The following CPAMD8 variants were observed in gnomAD, a reference collection of about 807,000 sequenced individuals.
CPAMD8 encodes the protein C3 and PZP-like alpha-2-macroglobulin domain-containing protein 8.
A neutral mutation model predicts 224.7 loss-of-function variants in CPAMD8; 146 were observed. That is an observed-to-expected ratio of 0.65 (90% CI 0.57 to 0.75). CPAMD8 has a LOEUF of 0.75. Ranked by LOEUF, CPAMD8 falls within the 30% of genes least tolerant of loss-of-function variation. CPAMD8 has a pLI of 0.00. For synonymous variants in CPAMD8, 966 were observed against 1,044.6 expected (o/e 0.92, Z 1.45); for missense variants, 2,301 against 2,537.5 (o/e 0.91, Z 2.00).
intron 9 of CPAMD8, among the ~76,000 whole-genome samples, chr19:17,001,908 C>G (rs12971584): frequency 0.17 from 25,791 of 149,596 alleles, 2,304 homozygotes; most frequent in African/African-American, 0.23. Flanking sequence ...TAGCGGGTGG[C>G]CACATCCTGG....
rs1430550947 is a variant in CPAMD8, at chr19:16,924,375, C to T, written c.3547+821G>A. ...TACAGGCTGTTATTCACGAGGAGGG[C>T]TCATTCAACTCTGGGTGGTGTTTAA... On this transcript the variant is annotated intron_variant, in intron 26 of 41. Coordinates refer to ENST00000443236, the MANE Select transcript of CPAMD8 (RefSeq NM_015692.5). 2.6e-5 allele frequency among the ~76,000 whole-genome samples: 4 copies of T among 152,156 alleles called. No homozygotes were observed. The East Asian group carries it at 5.8e-4, about 22-fold the overall frequency.
intron 30 of CPAMD8, among the ~76,000 whole-genome samples, chr19:16,905,395 C>A (rs1349665643): frequency 6.6e-6 from 1 of 151,558 alleles, no homozygotes; most frequent in Non-Finnish European, 1.5e-5. Context: ...GCCTGACTAA[C>A]ATGGAGAAAC....
In CPAMD8 at chr19:16,903,606, C is replaced by T. The variant is rs200291166; in HGVS notation, c.4425G>A (p.Thr1475=). The change falls in exon 34 of 42, where the codon ACG becomes ACA. Residue 1475 remains threonine, a synonymous_variant. Transcript: ENST00000443236. ...LQTAAIPSLP[T]GLFVSAKGDG... ...CCCCCTTGGCACTCACAAACAGCCC[C>T]GTGGGGAGGCTGGGGATCTGGAGAC... is the stretch of plus-strand genomic sequence containing the variant. The T allele has an allele frequency of 4.0e-5, 65 of 1,614,064 alleles. No homozygotes were observed. The highest frequency in any genetic ancestry group is 1.1e-4 in the East Asian group (5 of 44,852).
chr19:16,899,527 C>A lies in CPAMD8; in HGVS notation c.4796G>T (p.Gly1599Val). The A allele has an allele frequency of 6.4e-7, 1 of 1,566,382 alleles. No individual in the cohort carries two copies. The highest frequency in any genetic ancestry group is 8.8e-7 in the Non-Finnish European group (1 of 1,136,758). The stretch of plus-strand genomic sequence containing the variant: ...TCCAGCCACTTCATACCTCTTCATC[C>A]CCATGTGCTTGTCAAGGAGCAGCTG... ...LEQLLLDKHMGMKRYEVAGRR... is the reference protein window; with the variant it reads ...LEQLLLDKHMVMKRYEVAGRR... The change falls in exon 37 of 42, where the codon GGG becomes GTG. Residue 1599 changes from glycine (G) to valine (V), a missense_variant. This residue lies in a region of CPAMD8 where 1,709 missense variants were observed against 1,753.2 expected (regional missense o/e 0.97). Transcript: ENST00000443236. The surrounding 1 kb of genome is among the most constrained non-coding windows in gnomAD (Gnocchi z 5.4).
rs376642270 is a variant in CPAMD8 at position 16,977,811 on chromosome 19, C to T, written c.1586-271G>A. Among the ~76,000 whole-genome samples, 5 of 152,258 alleles carry T rather than the reference C, an allele frequency of 3.3e-5. No homozygotes were observed. In the East Asian group the frequency reaches 7.7e-4, roughly 24 times the overall value. On this transcript the variant is annotated intron_variant, in intron 14 of 41. Transcript: ENST00000443236. ...ATCCTCTCTGCCGGGGAACATGGTC[C>T]CTGCTCCCTGACCAGCCCTCTGCTT...
intron 3 of CPAMD8, among the ~76,000 whole-genome samples, chr19:17,015,713 G>T (rs1276187999): frequency 1.3e-5 from 2 of 152,188 alleles, no homozygotes; most frequent in Non-Finnish European, 2.9e-5. Context: ...ACTGGCCAGA[G>T]GCTGAAGAGG....
chr19:16,925,121 G>T, intron 26 of CPAMD8, 75 bp downstream of exon 26: 1 of 1,506,950 alleles, frequency 6.6e-7, no homozygotes, highest in Non-Finnish European at 9.2e-7. Context: ...GCCACCTCCA[G>T]CGTGGTCTTC....
chr19:16,961,944 G>C (rs888315211), intron 18 of CPAMD8, among the ~76,000 whole-genome samples: 1 of 152,226 alleles, frequency 6.6e-6, no homozygotes, highest in Non-Finnish European at 1.5e-5. Flanking sequence ...CTGCAGCTGA[G>C]AGACCTGACG....
chr19:16,951,954 TGG>T lies in CPAMD8; in HGVS notation c.2508+13_2508+14del. 6.7e-7 allele frequency: 1 copy of T among 1,481,984 alleles called. No individual in the cohort carries two copies. The highest frequency in any genetic ancestry group is 9.2e-7 in the Non-Finnish European group (1 of 1,082,544). 91.8% of individuals were successfully genotyped at this position (1,481,984 alleles called of 1,614,324 possible). A position where few individuals can be genotyped will look rare whatever the true frequency, so the allele number is the denominator to read the frequency against. On this transcript the variant is annotated intron_variant, in intron 20 of 41. Coordinates refer to ENST00000443236, the MANE Select transcript of CPAMD8 (RefSeq NM_015692.5). ...ACTGAATGGAGGAAGGCTATGTATT[TGG>T]GGGGCTGAGTACCTCAGCGCAGGTG...
intron 25 of CPAMD8, among the ~76,000 whole-genome samples, 158 bp from the exon 26 acceptor site, chr19:16,925,530 G>A (rs1468634962): frequency 6.6e-6 from 1 of 152,160 alleles, no homozygotes; most frequent in Non-Finnish European, 1.5e-5. Context: ...ACCAGCTGGT[G>A]TCCTGGCTTT....
chr19:16,991,828 T>C (rs1271359402), intron 12 of CPAMD8, among the ~76,000 whole-genome samples: 3 of 150,272 alleles, frequency 2.0e-5, no homozygotes, highest in Non-Finnish European at 4.4e-5. Flanking sequence ...GCACTCCAGC[T>C]TGGGCGACAG....
chr19:16,979,581 T>C (rs2055431164), intron 14 of CPAMD8, among the ~76,000 whole-genome samples: 1 of 151,326 alleles, frequency 6.6e-6, no homozygotes, highest in African/African-American at 2.4e-5. Flanking sequence ...CATCCATCCT[T>C]CCATCTATCC....
Position 16,922,368 on chromosome 19 carries a change from G to A in CPAMD8, c.3548-382C>T, listed in dbSNP as rs371288848. On this transcript the variant is annotated intron_variant, in intron 26 of 41. Coordinates refer to ENST00000443236, the MANE Select transcript of CPAMD8 (RefSeq NM_015692.5). The stretch of plus-strand genomic sequence containing the variant: ...TACTACATCTGGAGTCCCTGGAACC[G>A]CAGCGCACCACATCTGGGGTCCCTG... 1.3e-3 allele frequency among the ~76,000 whole-genome samples: 187 copies of A among 149,352 alleles called. 3 individuals carry two copies. Among genetic ancestry groups the A allele is most frequent in the African/African-American group, 3.9e-3 (158 of 40,376 alleles).
intron 17 of CPAMD8, among the ~76,000 whole-genome samples, chr19:16,972,372 A>G (rs1263554684): frequency 6.6e-6 from 1 of 151,966 alleles, no homozygotes; most frequent in Non-Finnish European, 1.5e-5. Flanking sequence ...TGTACTAATT[A>G]CTGGGAGCAA....
intron 11 of CPAMD8, among the ~76,000 whole-genome samples, chr19:16,996,527 C>T (rs1207188266): frequency 2.6e-5 from 4 of 152,006 alleles, no homozygotes; most frequent in African/African-American, 7.2e-5. Flanking sequence ...ATAAAATCAA[C>T]CCAGTGAAGG....
chr19:17,013,965 T>G (rs10405038), intron 3 of CPAMD8, among the ~76,000 whole-genome samples: 42,925 of 136,496 alleles, frequency 0.31, 6,843 homozygotes, highest in African/African-American at 0.41. Flanking sequence ...CCTTTCTTTC[T>G]TCCTTCCTTC....
chr19:16,991,996 C>T (rs1333559336), intron 12 of CPAMD8, among the ~76,000 whole-genome samples: 1 of 152,266 alleles, frequency 6.6e-6, no homozygotes, highest in East Asian at 1.9e-4. Flanking sequence ...TGGTTAAAAC[C>T]TTTAGGACAT....
At chr19:16,941,887 C>A (rs534777224) in intron 22 of CPAMD8, among the ~76,000 whole-genome samples, 45 of 152,108 alleles carry the variant, frequency 3.0e-4, no homozygotes, top group African/African-American at 9.9e-4. Context: ...GCAGGAGACT[C>A]GCTTGAACAA....
intron 41 of CPAMD8, chr19:16,894,248 A>C (rs1021313986): frequency 2.4e-5 from 9 of 376,974 alleles, no homozygotes; most frequent in Non-Finnish European, 5.0e-5. Flanking sequence ...CCTGGGTCCC[A>C]AGAGTCTCAT....
Sources: gnomAD v4.1 joint callset for allele counts (sites outside exome capture counted in the v4.1 genomes callset) on GRCh38, gnomAD v4.1.1 for gene constraint, gnomAD v4.1.1 regional missense constraint, Gnocchi (gnomAD v3.1) non-coding constraint, MANE v1.5 for transcripts, NCBI Gene and HGNC (gene_info 2026-07-23, HGNC 2026-07-21) for gene names.